Variants in CACNA2D3 observed in about 807,000 individuals in gnomAD.
CACNA2D3 encodes the protein voltage-dependent calcium channel subunit alpha-2/delta-3.
In CACNA2D3, 60 loss-of-function variants were observed where a neutral mutation model predicts 160.6. The ratio of observed to expected loss-of-function variants is 0.37; its 90% CI spans 0.30 to 0.46. The LOEUF (loss-of-function observed/expected upper bound fraction) is 0.46. Ranked by LOEUF, CACNA2D3 falls within the 20% of genes least tolerant of loss-of-function variation. CACNA2D3 has a pLI of 1.00. For missense variants in CACNA2D3, 1,205 were observed against 1,365.0 expected (o/e 0.88, Z 1.85); for synonymous variants, 558 against 492.9 (o/e 1.13, Z -1.75).
intron 35 of CACNA2D3, among the ~76,000 whole-genome samples, chr3:55,031,165 T>C (rs769808862): frequency 1.3e-5 from 2 of 152,202 alleles, no homozygotes; most frequent in South Asian, 2.1e-4. Flanking sequence ...GTCCACACTA[T>C]TGACGTCTGC....
At chr3:54,987,547 A>G (rs1283693099) in intron 30 of CACNA2D3, 136 bp from the exon 31 acceptor site, 2 of 568,354 alleles carry the variant, frequency 3.5e-6, no homozygotes, top group African/African-American at 3.8e-5. Flanking sequence ...GACTGTTAAA[A>G]CCTTTTCCAC....
intron 11 of CACNA2D3, among the ~76,000 whole-genome samples, chr3:54,735,406 G>A (rs1305224231): frequency 1.3e-5 from 2 of 152,144 alleles, no homozygotes; most frequent in Non-Finnish European, 2.9e-5. Flanking sequence ...AAGGGGTGAA[G>A]CGTGAAATGC....
Position 54,713,986 on chromosome 3 carries a change from G to A in CACNA2D3, c.1168-38613G>A, listed in dbSNP as rs563237535. On this transcript the variant is annotated intron_variant, in intron 11 of 37. Coordinates refer to ENST00000474759, the MANE Select transcript of CACNA2D3 (RefSeq NM_018398.3). The stretch of plus-strand genomic sequence containing the variant: ...GATGGTTTTTGAATCTTCTTGGTGG[G>A]GAGGAGGTTAGATTTGTTGGTTGAG... Among the ~76,000 whole-genome samples the A allele has an allele frequency of 2.0e-5, 3 of 152,242 alleles. No homozygotes were observed. The South Asian group carries it at 6.2e-4, about 32-fold the overall frequency.
chr3:54,224,063 C>T (rs1701623814), intron 2 of CACNA2D3, among the ~76,000 whole-genome samples: 2 of 151,628 alleles, frequency 1.3e-5, no homozygotes, highest in Admixed American at 6.6e-5. Flanking sequence ...TTACTTAAAA[C>T]ATTTTTTGGT....
chr3:54,270,250 G>C (rs1702595127), intron 2 of CACNA2D3, among the ~76,000 whole-genome samples: 1 of 152,156 alleles, frequency 6.6e-6, no homozygotes, highest in Admixed American at 6.5e-5. Flanking sequence ...AGACAACACT[G>C]TTTCATAATT....
At chr3:54,456,994 T>G (rs1204909855) in intron 4 of CACNA2D3, among the ~76,000 whole-genome samples, 1 of 151,892 alleles carries the variant, frequency 6.6e-6, no homozygotes, top group Non-Finnish European at 1.5e-5. Context: ...TTTTAATTAG[T>G]CTACCTAATG....
rs371778289 is a variant in CACNA2D3 at position 54,427,618 on chromosome 3, C to A, written c.381+40844C>A. On this transcript the variant is annotated intron_variant, in intron 4 of 37. Coordinates refer to ENST00000474759, the MANE Select transcript of CACNA2D3 (RefSeq NM_018398.3). ...CTGTATTTTTATTTGCTGAATCTGG[C>A]AACCTTATTTGTAGTCATAAACACA... Among the ~76,000 whole-genome samples the A allele has an allele frequency of 7.5e-4, 114 of 152,286 alleles. 1 individual carries two copies. Among genetic ancestry groups the A allele is most frequent in the African/African-American group, 2.6e-3 (108 of 41,564 alleles).
At chr3:54,933,517 G>A (rs1038362075) in intron 27 of CACNA2D3, among the ~76,000 whole-genome samples, 1 of 152,166 alleles carries the variant, frequency 6.6e-6, no homozygotes, top group Non-Finnish European at 1.5e-5. Flanking sequence ...ACATGACCAT[G>A]TCTAACAGCA....
intron 35 of CACNA2D3, among the ~76,000 whole-genome samples, chr3:55,058,273 T>C (rs532351008): frequency 2.9e-4 from 44 of 152,202 alleles, no homozygotes; most frequent in Non-Finnish European, 5.1e-4. Context: ...AGCTACAAGA[T>C]ATATTATTCA....
chr3:54,883,053 C>G (rs1699839394), intron 21 of CACNA2D3, among the ~76,000 whole-genome samples: 1 of 152,126 alleles, frequency 6.6e-6, no homozygotes, highest in African/African-American at 2.4e-5. Flanking sequence ...TGGAGTCTTG[C>G]TCTGTTGCTG....
chr3:54,943,980 A>G (rs1427364665), intron 27 of CACNA2D3, among the ~76,000 whole-genome samples: 2 of 152,202 alleles, frequency 1.3e-5, no homozygotes, highest in African/African-American at 4.8e-5. Flanking sequence ...AAAGGTCTTC[A>G]TTCCATGCCT....
chr3:54,231,824 G>T (rs1453633173), intron 2 of CACNA2D3, among the ~76,000 whole-genome samples: 1 of 150,918 alleles, frequency 6.6e-6, no homozygotes, highest in Non-Finnish European at 1.5e-5. Context: ...GCAGACAGCT[G>T]CTCACTGTCC....
intron 5 of CACNA2D3, among the ~76,000 whole-genome samples, chr3:54,508,264 A>G (rs1239894672): frequency 6.6e-6 from 1 of 152,188 alleles, no homozygotes; most frequent in African/African-American, 2.4e-5. Flanking sequence ...GACAGGTGAA[A>G]TATGGCTGAC....
chr3:54,875,140 G>A (rs903538801), intron 18 of CACNA2D3: 2 of 152,208 alleles, frequency 1.3e-5, no homozygotes, highest in South Asian at 4.1e-4. Flanking sequence ...ATATTTCTGA[G>A]ACCTTAGTCC....
At chr3:54,635,185 A>G (rs1441455879) in intron 10 of CACNA2D3, among the ~76,000 whole-genome samples, 2 of 151,978 alleles carry the variant, frequency 1.3e-5, no homozygotes, top group Non-Finnish European at 2.9e-5. Flanking sequence ...TGGCCTGGAT[A>G]CGGTTTTGTA....
chr3:54,183,506 CTT>C (rs940099181), intron 2 of CACNA2D3, among the ~76,000 whole-genome samples: 1 of 151,888 alleles, frequency 6.6e-6, no homozygotes, highest in African/African-American at 2.4e-5. Flanking sequence ...CTTTCTAAAA[CTT>C]TTACTTTCAG....
At chr3:54,988,908 C>T (rs761321663) in intron 31 of CACNA2D3, among the ~76,000 whole-genome samples, 1 of 152,208 alleles carries the variant, frequency 6.6e-6, no homozygotes, top group African/African-American at 2.4e-5. Flanking sequence ...TGTAGCAGAT[C>T]GTCCCCTCCT....
intron 30 of CACNA2D3, among the ~76,000 whole-genome samples, chr3:54,987,263 G>A (rs769549541): frequency 2.0e-5 from 3 of 152,152 alleles, no homozygotes; most frequent in Admixed American, 6.6e-5. Context: ...TAAACAGGTC[G>A]TCCAGGAATT....
rs773340055 is a variant in CACNA2D3, at chr3:54,881,047, T to C, written c.1912+184T>C. 2.5e-4 allele frequency among the ~76,000 whole-genome samples: 38 copies of C among 152,186 alleles called. 1 individual carries two copies. Among genetic ancestry groups the C allele is most frequent in the Non-Finnish European group, 5.1e-4 (35 of 68,044 alleles). On this transcript the variant is annotated intron_variant, in intron 21 of 37. Transcript: ENST00000474759. ...TTTCTTCTTCCCTGGTGTGCCTAGA[T>C]TTCAGAATGACAGGAGTTCCGATTC...
Sources: allele counts gnomAD v4.1 joint callset (sites outside exome capture counted in the v4.1 genomes callset), GRCh38; gene constraint gnomAD v4.1.1; transcripts MANE v1.5; gene names NCBI Gene and HGNC (gene_info 2026-07-23, HGNC 2026-07-21).